The following REEP5 variants were observed in gnomAD, a reference collection of about 807,000 sequenced individuals.
The protein encoded by REEP5 is receptor accessory protein 5.
REEP5 carries 24 observed loss-of-function variants against 22.4 expected under a neutral mutation model. The ratio of observed to expected loss-of-function variants is 1.07; its 90% CI spans 0.78 to 1.51. The LOEUF (loss-of-function observed/expected upper bound fraction) is 1.51. Among genes scored for constraint, REEP5 ranks in the 40% most tolerant of loss-of-function variants. REEP5 has a pLI of 0.00. For missense variants in REEP5, 252 were observed against 233.0 expected, an observed-to-expected ratio of 1.08 and a Z score of -0.53; for synonymous variants, 103 against 88.6, an observed-to-expected ratio of 1.16 and a Z score of -0.92.
Position 112,921,526 on chromosome 5 carries a change from G to A in REEP5, c.119-270C>T, listed in dbSNP as rs1421976172. On this transcript the variant is annotated intron_variant, in intron 1 of 4. Coordinates refer to ENST00000379638, the MANE Select transcript of REEP5 (RefSeq NM_005669.5). ...CTTTGCGCAGCAACCCCCGGCGCCC[G>A]GGACGGTCCCAGGCACCCGCTTCCG... The A allele has an allele frequency of 3.8e-5, 20 of 522,826 alleles. No homozygotes were observed. The East Asian group carries it at 6.1e-4, about 16-fold the overall frequency. 32.4% of individuals were successfully genotyped at this position (522,826 alleles called of 1,614,324 possible). A position where few individuals can be genotyped will look rare whatever the true frequency, so the allele number is the denominator to read the frequency against.
chr5:112,911,049 T>C (rs2150046925), intron 2 of REEP5, among the ~76,000 whole-genome samples: 1 of 152,286 alleles, frequency 6.6e-6, no homozygotes, highest in East Asian at 1.9e-4. Context: ...GGAAATACGG[T>C]AGAAGGCTTT....
intron 4 of REEP5, among the ~76,000 whole-genome samples, chr5:112,880,675 T>G (rs927761323): frequency 6.6e-6 from 1 of 152,216 alleles, no homozygotes; most frequent in African/African-American, 2.4e-5. Context: ...TTGCCCCTAT[T>G]TAGGAATGTG....
At chr5:112,888,716 C>G (rs988676558) in intron 3 of REEP5, among the ~76,000 whole-genome samples, 2 of 150,952 alleles carry the variant, frequency 1.3e-5, no homozygotes, top group South Asian at 2.1e-4. Flanking sequence ...TACACATGCA[C>G]AAGAGTTTTT....
intron 1 of REEP5, 44 bp from the exon 2 acceptor site, chr5:112,921,300 C>A (rs749393118): frequency 1.3e-6 from 2 of 1,591,916 alleles, no homozygotes; most frequent in African/African-American, 2.7e-5. Context: ...GCATGAGAGC[C>A]GTTCACGCGG....
Position 112,890,670 on chromosome 5 carries a change from A to T in REEP5, c.352-3487T>A, listed in dbSNP as rs982509564. Among the ~76,000 whole-genome samples, 7 of 150,620 alleles carry T rather than the reference A, an allele frequency of 4.6e-5. No homozygotes were observed. In the East Asian group the frequency reaches 6.1e-4, roughly 13 times the overall value. On this transcript the variant is annotated intron_variant, in intron 3 of 4. Coordinates refer to ENST00000379638, the MANE Select transcript of REEP5 (RefSeq NM_005669.5). ...TGGGATTACAGGTGTGAGCCACTGC[A>T]CCTGGCCTAAAATCTCACTCTAAAG...
Position 112,902,261 on chromosome 5 carries a change from C to A in REEP5, c.351+119G>T. ...ACAGAGTCTCGCTCTGTTGCCCAGG[C>A]CTGTCTTCTTGTTTATAATCTGAGA... On this transcript the variant is annotated intron_variant, in intron 3 of 4. Coordinates refer to ENST00000379638, the MANE Select transcript of REEP5 (RefSeq NM_005669.5). 2.8e-6 allele frequency: 3 copies of A among 1,080,326 alleles called. 1 individual carries two copies. Among genetic ancestry groups the A allele is most frequent in the Non-Finnish European group, 3.8e-6 (3 of 779,242 alleles). 66.9% of individuals were successfully genotyped at this position (1,080,326 alleles called of 1,614,324 possible).
At chr5:112,907,720 T>G (rs931429792) in intron 2 of REEP5, among the ~76,000 whole-genome samples, 4 of 152,212 alleles carry the variant, frequency 2.6e-5, no homozygotes, top group African/African-American at 9.6e-5. Context: ...GAATTTTAAT[T>G]TATTAAACTA....
intron 2 of REEP5, among the ~76,000 whole-genome samples, chr5:112,912,455 A>T (rs559541615): frequency 6.0e-4 from 92 of 152,336 alleles, no homozygotes; most frequent in African/African-American, 2.2e-3. Context: ...ATATCCATTT[A>T]TACCCATATA....
rs78851873 is a variant in REEP5 at position 112,877,756 on chromosome 5, A to G, written c.*1030T>C. 322 of 152,334 alleles carry G rather than the reference A, an allele frequency of 2.1e-3. No homozygotes were observed. Among genetic ancestry groups the G allele is most frequent in the African/African-American group, 7.7e-3 (319 of 41,570 alleles). 9.4% of individuals were successfully genotyped at this position (152,334 alleles called of 1,614,324 possible). A position where few individuals can be genotyped will look rare whatever the true frequency, so the allele number is the denominator to read the frequency against. ...GCATGTTGTTGCTAATGATACAAACAAGAACATACATGTAATCAGAGGTGG... is the reference window on the plus strand; with the variant it reads ...GCATGTTGTTGCTAATGATACAAACGAGAACATACATGTAATCAGAGGTGG... On this transcript the variant is annotated 3_prime_UTR_variant, in exon 5 of 5. Transcript: ENST00000379638.
At chr5:112,903,855 T>G (rs1281655095) in intron 2 of REEP5, among the ~76,000 whole-genome samples, 9 of 152,342 alleles carry the variant, frequency 5.9e-5, no homozygotes, top group Non-Finnish European at 1.3e-4. Flanking sequence ...TTTATTTTTT[T>G]GAGACAGGGT....
chr5:112,900,891 G>A lies in REEP5; in HGVS notation c.351+1489C>T, dbSNP rs374907704. On this transcript the variant is annotated intron_variant, in intron 3 of 4. Transcript: ENST00000379638. The stretch of plus-strand genomic sequence containing the variant: ...CTGGCTCTGTTGCCTAGGCTGGAGT[G>A]CAGTAGTGTGATCTCGGTTCACTGC... 9.2e-5 allele frequency among the ~76,000 whole-genome samples: 14 copies of A among 151,744 alleles called. No homozygotes were observed. The East Asian group carries it at 1.4e-3, about 15-fold the overall frequency.
chr5:112,881,979 T>A (rs1463757835), intron 4 of REEP5: 1 of 151,748 alleles, frequency 6.6e-6, no homozygotes, highest in East Asian at 1.9e-4. Context: ...ACCATGTTAC[T>A]CAGGCTGGTC....
intron 4 of REEP5, chr5:112,885,593 T>G (rs573665280): frequency 5.9e-5 from 16 of 271,342 alleles, no homozygotes; most frequent in Admixed American, 5.2e-4. Context: ...CTGGACAACT[T>G]AGACCCACTA....
chr5:112,904,822 T>C (rs1005672673), intron 2 of REEP5, among the ~76,000 whole-genome samples: 2 of 152,104 alleles, frequency 1.3e-5, no homozygotes, highest in South Asian at 2.1e-4. Flanking sequence ...TCAGCTCTTC[T>C]AGGAAAAAAA....
chr5:112,921,161 A>T lies in REEP5; in HGVS notation c.212+2T>A, dbSNP rs1245568791. 1 of 1,614,048 alleles carries T rather than the reference A, an allele frequency of 6.2e-7. No homozygotes were observed. Among genetic ancestry groups the T allele is most frequent in the Non-Finnish European group, 8.5e-7 (1 of 1,179,962 alleles). On this transcript the variant is annotated splice_donor_variant, in intron 2 of 4. Coordinates refer to ENST00000379638, the MANE Select transcript of REEP5 (RefSeq NM_005669.5). LOFTEE classifies it high-confidence loss of function. ...GGGACGGCTGCAGGGTGTGTCACTT[A>T]CGAGATGTAGGCTGGGTAGCCAAAT...
intron 4 of REEP5, chr5:112,885,205 C>T: frequency 5.9e-6 from 1 of 170,118 alleles, no homozygotes. Context: ...ATGGTGAGTG[C>T]TGTGGGGGTG....
At chr5:112,907,063 A>G (rs1424002659) in intron 2 of REEP5, among the ~76,000 whole-genome samples, 1 of 152,252 alleles carries the variant, frequency 6.6e-6, no homozygotes, top group Non-Finnish European at 1.5e-5. Flanking sequence ...GATTCAAGAT[A>G]ACAACACTGA....
intron 2 of REEP5, 114 bp downstream of exon 2, chr5:112,921,049 C>T: frequency 9.8e-7 from 1 of 1,023,756 alleles, no homozygotes; most frequent in Non-Finnish European, 1.5e-6. Flanking sequence ...CCTCATCCCT[C>T]CCCGCCGAGC....
Position 112,891,939 on chromosome 5 carries a change from G to A in REEP5, c.352-4756C>T, listed in dbSNP as rs116824915. On this transcript the variant is annotated intron_variant, in intron 3 of 4. Coordinates refer to ENST00000379638, the MANE Select transcript of REEP5 (RefSeq NM_005669.5). ...GAATAAAGAAGGAAAAGGAAGAGGC[G>A]GCTAAAAAATGGCTAGAAGAACAAG... is the stretch of plus-strand genomic sequence containing the variant. The A allele has an allele frequency of 4.1e-4, 518 of 1,255,774 alleles. 2 individuals are homozygous for A. In the African/African-American group the frequency reaches 5.9e-3, roughly 14 times the overall value. 77.8% of individuals were successfully genotyped at this position (1,255,774 alleles called of 1,614,324 possible).
Sources: allele counts gnomAD v4.1 joint callset (sites outside exome capture counted in the v4.1 genomes callset), GRCh38; gene constraint gnomAD v4.1.1; transcripts MANE v1.5; gene names NCBI Gene and HGNC (gene_info 2026-07-23, HGNC 2026-07-21).